The following OSBPL10 variants were observed in gnomAD, a reference collection of about 807,000 sequenced individuals.
OSBPL10 encodes the protein oxysterol binding protein like 10.
Under a neutral mutation model 81.7 loss-of-function variants are expected in OSBPL10, and 49 were observed. The observed-to-expected ratio is 0.60, with a 90% confidence interval of 0.48 to 0.76. OSBPL10 has a LOEUF of 0.76. Among genes scored for constraint, OSBPL10 ranks in the 30% least tolerant of loss-of-function variants. OSBPL10 has a pLI of 0.00. For synonymous variants in OSBPL10, 419 were observed against 383.6 expected (o/e 1.09, Z -1.08); for missense variants, 923 against 987.8 (o/e 0.93, Z 0.88).
intron 2 of OSBPL10, among the ~76,000 whole-genome samples, chr3:32,040,551 A>T (rs541214019): frequency 3.2e-4 from 48 of 152,054 alleles, no homozygotes; most frequent in African/African-American, 1.1e-3. Context: ...AGTCCAGTAG[A>T]TAGGCCAGAC....
chr3:31,952,790 G>A (rs1697905309), intron 1 of OSBPL10, among the ~76,000 whole-genome samples: 1 of 152,040 alleles, frequency 6.6e-6, no homozygotes, highest in Admixed American at 6.6e-5. Flanking sequence ...TAGAATTAGT[G>A]GTGATAATAT....
intron 2 of OSBPL10, among the ~76,000 whole-genome samples, chr3:31,877,745 C>G (rs147015960): frequency 6.6e-6 from 1 of 152,086 alleles, no homozygotes; most frequent in Non-Finnish European, 1.5e-5. Flanking sequence ...GAAGATGGCC[C>G]CTACAAATCC....
chr3:31,678,812 G>A (rs1281672408), intron 8 of OSBPL10, among the ~76,000 whole-genome samples: 1 of 151,404 alleles, frequency 6.6e-6, no homozygotes, highest in East Asian at 1.9e-4. Flanking sequence ...GTGTGTGTGT[G>A]TGTGTGTGTG....
At chr3:32,021,447 C>A (rs1199967142) in intron 2 of OSBPL10, among the ~76,000 whole-genome samples, 1 of 152,176 alleles carries the variant, frequency 6.6e-6, no homozygotes, top group African/African-American at 2.4e-5. Context: ...GTTTTAACTT[C>A]CCACCAATAA....
chr3:31,694,336 A>C (rs1209883109), intron 7 of OSBPL10, among the ~76,000 whole-genome samples: 1 of 120,100 alleles, frequency 8.3e-6, no homozygotes, highest in Non-Finnish European at 1.6e-5. Flanking sequence ...ATGCTACTGC[A>C]CTCCAGCCTG....
At chr3:31,969,379 C>T (rs1366862040) in intron 1 of OSBPL10, 1 of 152,114 alleles carries the variant, frequency 6.6e-6, no homozygotes, top group Non-Finnish European at 1.5e-5. Flanking sequence ...GCAAGGTTGT[C>T]TAAAGAGAAA....
chr3:31,896,329 C>T (rs556331468), intron 1 of OSBPL10, among the ~76,000 whole-genome samples: 7 of 152,298 alleles, frequency 4.6e-5, no homozygotes, highest in African/African-American at 1.7e-4. Flanking sequence ...GTTCCAGGTG[C>T]TTAGATCCAT....
chr3:31,872,446 G>C (rs1701353243), intron 3 of OSBPL10, among the ~76,000 whole-genome samples: 2 of 139,012 alleles, frequency 1.4e-5, no homozygotes, highest in South Asian at 4.3e-4. Context: ...TTTTGTTTTT[G>C]TTGTTGTTTT....
At chr3:32,034,442 GAA>G (rs34903839) in intron 2 of OSBPL10, among the ~76,000 whole-genome samples, 10 of 130,456 alleles carry the variant, frequency 7.7e-5, no homozygotes, top group Non-Finnish European at 1.3e-4. Flanking sequence ...CCCTGTAGCG[GAA>G]AAAAAAAAAA....
chr3:32,069,802 TATA>T (rs1262031165), intron 1 of OSBPL10, among the ~76,000 whole-genome samples: 1 of 152,190 alleles, frequency 6.6e-6, no homozygotes, highest in Non-Finnish European at 1.5e-5. Flanking sequence ...GGCTCCAGCA[TATA>T]AGAACTTCAG....
rs573910417 is a variant in OSBPL10 at position 32,001,124 on chromosome 3, C to G, written n.298+45367G>C. Among the ~76,000 whole-genome samples, 116 of 152,254 alleles carry G rather than the reference C, an allele frequency of 7.6e-4. 2 individuals are homozygous for G. In the South Asian group the frequency reaches 0.022, roughly 29 times the overall value. On this transcript the variant is annotated intron_variant and non_coding_transcript_variant, in intron 2 of 3. Coordinates refer to the OSBPL10 transcript ENST00000479173. ...TGTTGTCTGTCCACTCTTCCTGAAG[C>G]CTGGCTGATCAACCTGTGCTTTATG...
chr3:31,892,308 T>C (rs138185507), intron 1 of OSBPL10, among the ~76,000 whole-genome samples: 141 of 152,244 alleles, frequency 9.3e-4, no homozygotes, highest in East Asian at 7.5e-3. Flanking sequence ...ACGTAGGCAA[T>C]GCAAACCATG....
intron 2 of OSBPL10, among the ~76,000 whole-genome samples, chr3:31,993,494 C>T (rs1299513982): frequency 6.6e-6 from 1 of 152,136 alleles, no homozygotes; most frequent in African/African-American, 2.4e-5. Context: ...AGGCATGAGC[C>T]ACCGCGCCCA....
chr3:31,793,736 A>C (rs1699095864), intron 4 of OSBPL10, among the ~76,000 whole-genome samples: 1 of 152,216 alleles, frequency 6.6e-6, no homozygotes, highest in South Asian at 2.1e-4. Flanking sequence ...CAATAGTGTG[A>C]ATTTTTTAAA....
intron 1 of OSBPL10, among the ~76,000 whole-genome samples, chr3:31,972,776 T>G (rs1316338778): frequency 6.6e-6 from 1 of 152,194 alleles, no homozygotes; most frequent in Non-Finnish European, 1.5e-5. Flanking sequence ...TTCAACTCTT[T>G]GTATTTTCAT....
intron 5 of OSBPL10, among the ~76,000 whole-genome samples, chr3:31,743,420 G>T (rs371236163): frequency 6.6e-6 from 1 of 152,192 alleles, no homozygotes; most frequent in African/African-American, 2.4e-5. Flanking sequence ...ATATCTTGGA[G>T]ATAATAACAT....
intron 2 of OSBPL10, among the ~76,000 whole-genome samples, chr3:32,026,042 AGATAGATAGATAGAT>A (rs1277036768): frequency 2.5e-5 from 3 of 121,860 alleles, no homozygotes; most frequent in African/African-American, 9.7e-5. Context: ...ATAGATAGAT[AGATAGATAGATAGAT>A]GATAGATAGA....
At chr3:31,883,303 G>A (rs1181616962) in intron 1 of OSBPL10, among the ~76,000 whole-genome samples, 1 of 151,120 alleles carries the variant, frequency 6.6e-6, no homozygotes, top group East Asian at 1.9e-4. Flanking sequence ...GCAATGGCAC[G>A]ATCTCAGCTC....
chr3:31,709,999 G>A (rs747779300), intron 6 of OSBPL10, among the ~76,000 whole-genome samples: 1 of 152,226 alleles, frequency 6.6e-6, no homozygotes, highest in Non-Finnish European at 1.5e-5. Context: ...ACCGATCACA[G>A]GAAGCTCATG....
Sources: gnomAD v4.1 joint callset for allele counts (sites outside exome capture counted in the v4.1 genomes callset) on GRCh38, gnomAD v4.1.1 for gene constraint, MANE v1.5 for transcripts, NCBI Gene and HGNC (gene_info 2026-07-23, HGNC 2026-07-21) for gene names.